Variants in WDHD1 observed in about 807,000 individuals in gnomAD.
WDHD1 encodes WD repeat and HMG-box DNA binding protein 1.
In WDHD1, 111 loss-of-function variants were observed where a neutral mutation model predicts 135.4. The observed-to-expected ratio is 0.82, with a 90% CI of 0.70 to 0.96. WDHD1 has a LOEUF of 0.96. Among genes scored for constraint, WDHD1 ranks in the 40% least tolerant of loss-of-function variants. The pLI, the probability that WDHD1 is intolerant of heterozygous loss-of-function variation, is 0.00. For synonymous variants in WDHD1, 434 were observed against 439.0 expected (o/e 0.99, Z 0.14); for missense variants, 1,351 against 1,336.3 (o/e 1.01, Z -0.17).
At chr14:55,016,463 G>C (rs984800862) in intron 2 of WDHD1, among the ~76,000 whole-genome samples, 1 of 152,186 alleles carries the variant, frequency 6.6e-6, no homozygotes, top group Non-Finnish European at 1.5e-5. Flanking sequence ...AAGAAAATTA[G>C]AAGAGAAAGA....
At chr14:55,011,402 GGCA>G (rs1317044019) in intron 3 of WDHD1, among the ~76,000 whole-genome samples, 2 of 151,524 alleles carry the variant, frequency 1.3e-5, no homozygotes, top group African/African-American at 4.9e-5. Context: ...CATGGTGGTG[GGCA>G]GCCAGCTGTT....
chr14:54,956,537 C>T (rs776168307), intron 23 of WDHD1, among the ~76,000 whole-genome samples: 2 of 152,088 alleles, frequency 1.3e-5, no homozygotes, highest in African/African-American at 4.8e-5. Context: ...CCTCGGGAGG[C>T]TGAGGCATGA....
chr14:54,941,565 A>C lies in WDHD1; in HGVS notation c.3315T>G (p.Asn1105Lys). The change falls in exon 26 of 26, where the codon AAT becomes AAG. Residue 1105 changes from asparagine to lysine, a missense_variant. Around this residue, in one of 2 missense-constraint regions of WDHD1, gnomAD observed 1,330 missense variants for 1,296.1 expected, o/e 1.03. Coordinates refer to ENST00000360586, the MANE Select transcript of WDHD1 (RefSeq NM_007086.4). ...NQEEKAKENL[N>K]LSKKQKPLDF... ...CTAAAGGTTTCTGCTTTTTAGACAA[A>C]TTCAGGTTCTCTTTTGCTTTTTCTT... 1.2e-6 allele frequency: 2 copies of C among 1,613,912 alleles called. No individual in the cohort carries two copies. The highest frequency in any genetic ancestry group is 1.7e-6 in the Non-Finnish European group (2 of 1,179,936).
intron 23 of WDHD1, 57 bp downstream of exon 23, chr14:54,956,977 C>T (rs1595064610): frequency 6.4e-7 from 1 of 1,563,028 alleles, no homozygotes; most frequent in East Asian, 2.3e-5. Flanking sequence ...GTGAACAAAA[C>T]TGAAGACAAA....
rs1309203932 is a variant in WDHD1 at position 54,966,470 on chromosome 14, C to A, written c.2310+5G>T. ...TAACGTTTTCAGTATATTTATTTTA[C>A]TCACCGCAAGCATTTTCATTAAAAG... On this transcript the variant is annotated splice_donor_5th_base_variant and intron_variant, in intron 18 of 25. Coordinates refer to ENST00000360586, the MANE Select transcript of WDHD1 (RefSeq NM_007086.4). 1 of 1,590,542 alleles carries A rather than the reference C, an allele frequency of 6.3e-7. No homozygotes were observed. The highest frequency in any genetic ancestry group is 1.9e-5 in the Admixed American group (1 of 52,058).
chr14:54,959,790 C>CT (rs1198183835), intron 21 of WDHD1, among the ~76,000 whole-genome samples: 2 of 151,912 alleles, frequency 1.3e-5, no homozygotes, highest in African/African-American at 4.8e-5. Context: ...CCGCACCCCC[C>CT]CCACCAAACA....
intron 25 of WDHD1, among the ~76,000 whole-genome samples, chr14:54,943,000 G>A (rs1197151563): frequency 2.0e-5 from 3 of 152,136 alleles, no homozygotes; most frequent in African/African-American, 7.2e-5. Flanking sequence ...GACGCTAAAG[G>A]TGTTTAAACC....
At chr14:54,966,340 A>AAC (rs2041343598) in intron 18 of WDHD1, 135 bp downstream of exon 18, 7 of 1,033,070 alleles carry the variant, frequency 6.8e-6, no homozygotes, top group African/African-American at 1.7e-5. Flanking sequence ...GTCGCACAAA[A>AAC]AACAACAACA....
At chr14:55,003,833 G>C (rs563811956) in intron 7 of WDHD1, among the ~76,000 whole-genome samples, 1 of 151,394 alleles carries the variant, frequency 6.6e-6, no homozygotes, top group East Asian at 1.9e-4. Flanking sequence ...CAAAGTGCTG[G>C]GATTATAGGC....
intron 7 of WDHD1, chr14:55,005,672 T>TCA: frequency 1.9e-6 from 1 of 535,012 alleles, no homozygotes; most frequent in South Asian, 1.6e-5. Context: ...TTGCAGGACA[T>TCA]AGAGGTTCTA....
chr14:55,002,239 A>C (rs2041991315), intron 7 of WDHD1, 54 bp from the exon 8 acceptor site: 1 of 1,255,152 alleles, frequency 8.0e-7, no homozygotes, highest in East Asian at 2.4e-5. Flanking sequence ...TTGAATTTGA[A>C]GAAGGAAAAA....
Position 55,003,489 on chromosome 14 carries a change from T to C in WDHD1, c.601-1304A>G, listed in dbSNP as rs535632439. Among the ~76,000 whole-genome samples the C allele has an allele frequency of 4.6e-5, 7 of 151,376 alleles. No homozygotes were observed. The East Asian group carries it at 1.4e-3, about 30-fold the overall frequency. On this transcript the variant is annotated intron_variant, in intron 7 of 25. Coordinates refer to ENST00000360586, the MANE Select transcript of WDHD1 (RefSeq NM_007086.4). ...GTGATCATGCCACTGCACTCCAGCC[T>C]GGGCAACAGAGTGAGACCATGTCTC... is the stretch of plus-strand genomic sequence containing the variant.
intron 12 of WDHD1, among the ~76,000 whole-genome samples, chr14:54,990,322 G>A (rs911708878): frequency 7.9e-5 from 12 of 152,200 alleles, no homozygotes; most frequent in African/African-American, 2.9e-4. Flanking sequence ...CTCAGGCCAG[G>A]CGCGGTGGCT....
chr14:54,952,694 A>C (rs1412806159), intron 24 of WDHD1, among the ~76,000 whole-genome samples: 1 of 152,204 alleles, frequency 6.6e-6, no homozygotes, highest in African/African-American at 2.4e-5. Context: ...AGTCACTCAT[A>C]AGCCAAAGGA....
chr14:54,987,077 C>G (rs990815310), intron 14 of WDHD1, 69 bp downstream of exon 14: 15 of 1,574,684 alleles, frequency 9.5e-6, no homozygotes, highest in Non-Finnish European at 1.2e-5. Context: ...AAAAGAGTAA[C>G]AAAAACAGCA....
chr14:54,991,661 T>A (rs1265665606), intron 11 of WDHD1, among the ~76,000 whole-genome samples: 1 of 152,174 alleles, frequency 6.6e-6, no homozygotes, highest in Admixed American at 6.5e-5. Flanking sequence ...TCACTTGCAG[T>A]AAAAATATTA....
At chr14:54,987,068 A>G in intron 14 of WDHD1, 78 bp downstream of exon 14, 1 of 1,542,456 alleles carries the variant, frequency 6.5e-7, no homozygotes, top group Non-Finnish European at 8.8e-7. Context: ...TCCAAGACAA[A>G]AAGAGTAACA....
chr14:54,962,610 TACA>T (rs2041269956), intron 20 of WDHD1, 59 bp from the exon 21 acceptor site: 24 of 1,529,312 alleles, frequency 1.6e-5, no homozygotes, highest in Non-Finnish European at 2.1e-5. Context: ...ATCCTCAATA[TACA>T]ACAACCAGAT....
chr14:55,009,417 A>G (rs1355449836), intron 4 of WDHD1, among the ~76,000 whole-genome samples: 1 of 152,046 alleles, frequency 6.6e-6, no homozygotes, highest in Admixed American at 6.6e-5. Flanking sequence ...GTACAGCCCA[A>G]GTTCTAAGTA....
Sources: gnomAD v4.1 joint callset for allele counts (sites outside exome capture counted in the v4.1 genomes callset) on GRCh38, gnomAD v4.1.1 for gene constraint, gnomAD v4.1.1 regional missense constraint, MANE v1.5 for transcripts, NCBI Gene and HGNC (gene_info 2026-07-23, HGNC 2026-07-21) for gene names.